The following KANK1 variants were observed in gnomAD, a reference collection of about 807,000 sequenced individuals.
The protein encoded by KANK1 is KN motif and ankyrin repeat domains 1, also known as KN motif and ankyrin repeat domain-containing protein 1.
In KANK1, 109 loss-of-function variants were observed where a neutral mutation model predicts 106.2. That is an observed-to-expected ratio of 1.03 (90% CI 0.88 to 1.20). The LOEUF (loss-of-function observed/expected upper bound fraction) is 1.20, where lower values mean the gene tolerates loss of function less well. Among genes scored for constraint, KANK1 ranks in the 50% most tolerant of loss-of-function variants. The pLI, the probability that KANK1 is intolerant of heterozygous loss-of-function variation, is 0.00. For synonymous variants in KANK1, 873 were observed against 652.2 expected (o/e 1.34, Z -5.16); for missense variants, 2,399 against 1,710.7 (o/e 1.40, Z -7.10).
At chr9:510,327 T>TATCC (rs1563691201) in intron 1 of KANK1, among the ~76,000 whole-genome samples, 1 of 152,190 alleles carries the variant, frequency 6.6e-6, no homozygotes, top group Non-Finnish European at 1.5e-5. Flanking sequence ...TGAAAGGATA[T>TATCC]AAGAAGGATC....
chr9:529,483 G>A (rs1022891389), intron 1 of KANK1, among the ~76,000 whole-genome samples: 9 of 132,500 alleles, frequency 6.8e-5, no homozygotes, highest in African/African-American at 2.6e-4. Flanking sequence ...ACAGGTGTGA[G>A]CCACCGCGCC....
intron 2 of KANK1, among the ~76,000 whole-genome samples, chr9:683,723 C>T (rs944869091): frequency 1.3e-5 from 2 of 152,040 alleles, no homozygotes; most frequent in African/African-American, 2.4e-5. Flanking sequence ...TACTTTTTTT[C>T]TTAGTATGGA....
intron 1 of KANK1, among the ~76,000 whole-genome samples, chr9:561,335 C>T (rs1425363896): frequency 6.6e-6 from 1 of 152,182 alleles, no homozygotes; most frequent in Non-Finnish European, 1.5e-5. Context: ...GCATGTATAT[C>T]TTATGTAACT....
intron 1 of KANK1, among the ~76,000 whole-genome samples, chr9:571,204 T>C (rs1260660452): frequency 6.6e-6 from 1 of 152,176 alleles, no homozygotes; most frequent in African/African-American, 2.4e-5. Context: ...GGTGGTGTCA[T>C]ATGTCTTCTC....
At chr9:544,251 A>C (rs915590799) in intron 1 of KANK1, among the ~76,000 whole-genome samples, 1 of 151,944 alleles carries the variant, frequency 6.6e-6, no homozygotes, top group Non-Finnish European at 1.5e-5. Flanking sequence ...GAACTCCTGG[A>C]ATCAAGCAAG....
At chr9:487,790 C>G (rs1006547252) in intron 3 of KANK1, 5 of 152,172 alleles carry the variant, frequency 3.3e-5, no homozygotes, top group African/African-American at 1.2e-4. Flanking sequence ...CTGCACAGAC[C>G]TCAAATGATG....
chr9:518,746 G>A (rs10815155), intron 1 of KANK1, among the ~76,000 whole-genome samples: 73,537 of 150,916 alleles, frequency 0.49, 20,095 homozygotes, highest in African/African-American at 0.71. Flanking sequence ...GAGAAAGGGC[G>A]GTGACCCTGT....
intron 1 of KANK1, among the ~76,000 whole-genome samples, chr9:587,787 C>T (rs574687155): frequency 6.6e-6 from 1 of 152,276 alleles, no homozygotes; most frequent in Admixed American, 6.5e-5. Flanking sequence ...AGAAATTAGC[C>T]AGGCACAGTG....
chr9:595,924 C>T (rs1044413896), intron 1 of KANK1, among the ~76,000 whole-genome samples: 3 of 151,846 alleles, frequency 2.0e-5, no homozygotes, highest in South Asian at 2.1e-4. Context: ...CTATCCCAAA[C>T]GCTTGGGACT....
intron 1 of KANK1, among the ~76,000 whole-genome samples, chr9:566,607 C>T (rs1293049116): frequency 4.6e-5 from 7 of 152,152 alleles, no homozygotes; most frequent in Non-Finnish European, 7.3e-5. Context: ...CTCTAATGAT[C>T]GGTAATGTTG....
chr9:611,864 G>A (rs1311331648), intron 1 of KANK1, among the ~76,000 whole-genome samples: 2 of 152,054 alleles, frequency 1.3e-5, no homozygotes, highest in Non-Finnish European at 2.9e-5. Context: ...GATTACAGGC[G>A]CATGCCACCA....
chr9:707,160 C>T (rs1358580802), intron 2 of KANK1: 2 of 985,586 alleles, frequency 2.0e-6, no homozygotes, highest in South Asian at 9.3e-5. Flanking sequence ...GGGTGAGGAT[C>T]GAGGGCGCCC....
chr9:621,079 T>A (rs1205153382), intron 1 of KANK1, among the ~76,000 whole-genome samples: 1 of 152,174 alleles, frequency 6.6e-6, no homozygotes, highest in East Asian at 1.9e-4. Flanking sequence ...ACTAGAAATC[T>A]AAGCTATTCA....
At chr9:660,976 C>T (rs980967872) in intron 1 of KANK1, among the ~76,000 whole-genome samples, 5 of 152,112 alleles carry the variant, frequency 3.3e-5, no homozygotes, top group Non-Finnish European at 7.3e-5. Context: ...GACAAGGGAA[C>T]AAATCTCAAA....
chr9:628,105 G>C (rs1834794243), intron 1 of KANK1, among the ~76,000 whole-genome samples: 1 of 152,232 alleles, frequency 6.6e-6, no homozygotes, highest in Admixed American at 6.5e-5. Context: ...ATCCTAGAGA[G>C]TATTTCCTGC....
intron 1 of KANK1, among the ~76,000 whole-genome samples, chr9:639,956 A>C (rs1197342200): frequency 6.6e-6 from 1 of 152,128 alleles, no homozygotes; most frequent in Admixed American, 6.6e-5. Flanking sequence ...TGATGATTTA[A>C]TCACCTCCCA....
At chr9:707,110 G>T (rs887358183) in intron 2 of KANK1, 1 of 985,344 alleles carries the variant, frequency 1.0e-6, no homozygotes, top group Non-Finnish European at 1.2e-6. Context: ...TCCGAGCGTG[G>T]CCGGCCAAGT....
intron 1 of KANK1, among the ~76,000 whole-genome samples, chr9:624,391 G>A (rs1388491775): frequency 6.6e-6 from 1 of 152,102 alleles, no homozygotes; most frequent in African/African-American, 2.4e-5. Flanking sequence ...GAATCAATAT[G>A]CAATCTATAT....
intron 3 of KANK1, among the ~76,000 whole-genome samples, chr9:718,298 CTTT>C (rs60145502): frequency 1.8e-4 from 13 of 74,124 alleles, no homozygotes; most frequent in African/African-American, 3.8e-4. Context: ...CTTGCTGTGT[CTTT>C]TTTTTTTTTT....
Sources: allele counts gnomAD v4.1 joint callset (sites outside exome capture counted in the v4.1 genomes callset), GRCh38; gene constraint gnomAD v4.1.1; transcripts MANE v1.5; gene names NCBI Gene and HGNC (gene_info 2026-07-23, HGNC 2026-07-21).